Variants in DLG5 observed in about 807,000 individuals in gnomAD.
DLG5 encodes the protein discs large MAGUK scaffold protein 5.
In DLG5, 48 loss-of-function variants were observed where a neutral mutation model predicts 189.8. The observed-to-expected ratio is 0.25, with a 90% CI of 0.20 to 0.32. The LOEUF is 0.32. Ranked by LOEUF, DLG5 falls within the 10% of genes least tolerant of loss-of-function variation. DLG5 has a pLI of 1.00. For missense variants in DLG5, 2,160 were observed against 2,544.7 expected (o/e 0.85, Z 3.25); for synonymous variants, 1,016 against 1,054.1 (o/e 0.96, Z 0.70).
Position 77,825,374 on chromosome 10 carries a change from C to CCACACACACACACACACACACACA in DLG5, c.2290-922_2290-899dup, listed in dbSNP as rs59102694. On this transcript the variant is annotated intron_variant, in intron 13 of 31. Transcript: ENST00000372391. ...ACAACATGTGTTTAACCACACACAA[C>CCACACACACACACACACACACACA]CACACACACACACACACACACACAC... Among the ~76,000 whole-genome samples, 631 of 130,874 alleles carry CCACACACACACACACACACACACA rather than the reference C, an allele frequency of 4.8e-3. 14 individuals carry two copies. The highest frequency in any genetic ancestry group is 7.8e-3 in the Middle Eastern group (2 of 256). The allele number at this position is 130,874 out of a possible 152,430, so 85.9% of individuals were successfully genotyped here.
intron 2 of DLG5, among the ~76,000 whole-genome samples, chr10:77,860,672 TA>T (rs1277196491): frequency 6.6e-6 from 1 of 152,232 alleles, no homozygotes; most frequent in Admixed American, 6.5e-5. Context: ...ATATCACTGT[TA>T]TCCTCATTTT....
intron 1 of DLG5, among the ~76,000 whole-genome samples, chr10:77,908,654 G>A (rs78725915): frequency 0.011 from 1,726 of 152,136 alleles, 27 homozygotes; most frequent in African/African-American, 0.04. Flanking sequence ...CCTTCCAGCC[G>A]CCTGCCTATG....
At chr10:77,866,013 GT>G (rs1564561661) in intron 2 of DLG5, among the ~76,000 whole-genome samples, 1 of 152,214 alleles carries the variant, frequency 6.6e-6, no homozygotes, top group Non-Finnish European at 1.5e-5. Flanking sequence ...TGGAAGTGAT[GT>G]TTTTATTATA....
At position 77,824,376 on chromosome 10, in the gene DLG5, G is replaced by C; in HGVS notation, c.2382+8C>G. On this transcript the variant is annotated splice_region_variant and intron_variant, in intron 14 of 31. Coordinates refer to ENST00000372391, the MANE Select transcript of DLG5 (RefSeq NM_004747.4). The stretch of plus-strand genomic sequence containing the variant: ...GACCGTGAGAGCAGAGCCAGGTCCA[G>C]CCCTTACCTTCAGGAGGGACAGGGT... 2 of 1,605,094 alleles carry C rather than the reference G, an allele frequency of 1.2e-6. No individual in the cohort carries two copies. Among genetic ancestry groups the C allele is most frequent in the Non-Finnish European group, 1.7e-6 (2 of 1,172,218 alleles).
upstream of DLG5, chr10:77,928,974 G>A (rs1846761378): frequency 6.6e-6 from 1 of 152,074 alleles, no homozygotes; most frequent in Admixed American, 6.5e-5. Context: ...GTTGCAGTGA[G>A]CTGAAATTGC....
chr10:77,851,721 C>G (rs899340692), intron 5 of DLG5, among the ~76,000 whole-genome samples: 1 of 152,182 alleles, frequency 6.6e-6, no homozygotes, highest in Non-Finnish European at 1.5e-5. Flanking sequence ...CAATCAATAT[C>G]GGAGAAAGGA....
Position 77,916,904 on chromosome 10 carries a change from AATATATAT to A in DLG5, c.304+9305_304+9312del, listed in dbSNP as rs55841913. ...AGGTAAAGAAACAAATAAAATATAG[AATATATAT>A]ATATATATATATATGAATATTATTC... On this transcript the variant is annotated intron_variant, in intron 1 of 31. Coordinates refer to ENST00000372391, the MANE Select transcript of DLG5 (RefSeq NM_004747.4). Among the ~76,000 whole-genome samples, 3 of 129,126 alleles carry A rather than the reference AATATATAT, an allele frequency of 2.3e-5. 1 individual carries two copies. Among genetic ancestry groups the A allele is most frequent in the African/African-American group, 9.3e-5 (3 of 32,226 alleles). 84.7% of individuals were successfully genotyped at this position (129,126 alleles called of 152,430 possible).
At chr10:77,918,441 T>G (rs1206009693) in intron 1 of DLG5, among the ~76,000 whole-genome samples, 1 of 152,092 alleles carries the variant, frequency 6.6e-6, no homozygotes, top group African/African-American at 2.4e-5. Context: ...ATGGTAAATT[T>G]CATGTTATGT....
chr10:77,871,689 C>T (rs901966773), intron 1 of DLG5, among the ~76,000 whole-genome samples: 1 of 151,780 alleles, frequency 6.6e-6, no homozygotes, highest in Non-Finnish European at 1.5e-5. Flanking sequence ...ATTACAGGTG[C>T]CCACCACCAT....
At chr10:77,845,739 G>C (rs890561327) in intron 5 of DLG5, among the ~76,000 whole-genome samples, 1 of 151,972 alleles carries the variant, frequency 6.6e-6, no homozygotes, top group East Asian at 1.9e-4. Flanking sequence ...TTTTAAAGCA[G>C]AACATTTTCT....
chr10:77,844,822 G>A (rs1485856213), intron 5 of DLG5, among the ~76,000 whole-genome samples: 2 of 152,242 alleles, frequency 1.3e-5, no homozygotes, highest in Admixed American at 6.5e-5. Context: ...TGAAGAAGGC[G>A]ACTTCAGAGG....
At position 77,830,768 on chromosome 10, in the gene DLG5, C is replaced by G; in HGVS notation, c.1854G>C (p.Thr618=). The change falls in exon 10 of 32, where the codon ACG becomes ACC. Residue 618 remains threonine (T), a synonymous_variant. Transcript: ENST00000372391. ...TCTCCCTCTCGAACTCTACAACTTC[C>G]GTTTCCCACTCCATGGAATCCGTGT... The part of the protein sequence containing the change: ...AIDTDSMEWE[T]EVVEFERETE... 1.2e-6 allele frequency: 2 copies of G among 1,614,214 alleles called. No homozygotes were observed. The highest frequency in any genetic ancestry group is 8.5e-7 in the Non-Finnish European group (1 of 1,180,032).
At chr10:77,879,930 G>A (rs140137958) in intron 1 of DLG5, among the ~76,000 whole-genome samples, 54 of 152,196 alleles carry the variant, frequency 3.5e-4, no homozygotes, top group Admixed American at 1.9e-3. Context: ...CAAGTTCACT[G>A]ACAAGGTCAT....
the DLG5 span, among the ~76,000 whole-genome samples, chr10:77,934,421 A>T: frequency 6.6e-6 from 1 of 152,048 alleles, no homozygotes; most frequent in African/African-American, 2.4e-5. Context: ...AAAGTAAAAT[A>T]GGGAGAGTAT....
rs762745526 is a variant in DLG5 at position 77,824,424 on chromosome 10, A to G, written c.2342T>C (p.Leu781Pro). The change falls in exon 14 of 32, where the codon CTG (leucine) becomes CCG (proline). Residue 781 changes from leucine to proline, a missense_variant. Physicochemically the swap from Leu to Pro is moderately conservative, Grantham distance 98 (BLOSUM62 -3). Around this residue, in one of 5 missense-constraint regions of DLG5, gnomAD observed 107 missense variants for 214.5 expected, o/e 0.50. Transcript: ENST00000372391. ...GGTCAGGGAGTCCTGGCAGCTGCGC[A>G]GCAGAGATTCACATTCATTCAGAGA... Reference protein sequence around the residue: ...NKSLNECESLLRSCQDSLTLS... With the variant: ...NKSLNECESLPRSCQDSLTLS... 6.2e-7 allele frequency: 1 copy of G among 1,614,094 alleles called. No individual in the cohort carries two copies. Among genetic ancestry groups the G allele is most frequent in the Non-Finnish European group, 8.5e-7 (1 of 1,179,972 alleles).
intron 13 of DLG5, among the ~76,000 whole-genome samples, chr10:77,827,276 A>G (rs1842683692): frequency 6.6e-6 from 1 of 152,200 alleles, no homozygotes; most frequent in African/African-American, 2.4e-5. Context: ...CCCAGGCTAG[A>G]GTGCAGTGGC....
intron 23 of DLG5, among the ~76,000 whole-genome samples, chr10:77,810,244 A>G (rs543742706): frequency 6.6e-6 from 1 of 152,372 alleles, no homozygotes; most frequent in South Asian, 2.1e-4. Context: ...TGCTGAACAC[A>G]TGGAGGGAGT....
At chr10:77,871,504 T>A (rs1844896589) in intron 1 of DLG5, among the ~76,000 whole-genome samples, 1 of 152,052 alleles carries the variant, frequency 6.6e-6, no homozygotes, top group Non-Finnish European at 1.5e-5. Context: ...TATCTCTGCA[T>A]TTTTGTCTCA....
chr10:77,898,320 A>G (rs1370288927), intron 1 of DLG5, among the ~76,000 whole-genome samples: 1 of 152,202 alleles, frequency 6.6e-6, no homozygotes, highest in East Asian at 1.9e-4. Context: ...AAGGAGAGAG[A>G]AAAAGGGAAG....
Sources: gnomAD v4.1 joint callset for allele counts (sites outside exome capture counted in the v4.1 genomes callset) on GRCh38, gnomAD v4.1.1 for gene constraint, gnomAD v4.1.1 regional missense constraint, MANE v1.5 for transcripts, NCBI Gene and HGNC (gene_info 2026-07-23, HGNC 2026-07-21) for gene names.